Variants in TRPC4 observed in about 807,000 individuals in gnomAD.
The protein encoded by TRPC4 is short transient receptor potential channel 4.
TRPC4 carries 49 observed loss-of-function variants against 99.4 expected under a neutral mutation model. The observed-to-expected ratio is 0.49, with a 90% CI of 0.39 to 0.63. TRPC4 has a LOEUF of 0.63. Among genes scored for constraint, TRPC4 ranks in the 20% least tolerant of loss-of-function variants. The pLI is 0.00. For missense variants in TRPC4, 898 were observed against 1,152.9 expected (o/e 0.78, Z 3.20); for synonymous variants, 454 against 425.9 (o/e 1.07, Z -0.81).
intron 3 of TRPC4, among the ~76,000 whole-genome samples, chr13:37,732,540 G>A (rs185404989): frequency 6.6e-6 from 1 of 152,136 alleles, no homozygotes; most frequent in African/African-American, 2.4e-5. Context: ...CCTGTTCAAC[G>A]ACGACATGTC....
chr13:37,686,686 A>G (rs904360826), intron 4 of TRPC4, among the ~76,000 whole-genome samples: 1 of 152,204 alleles, frequency 6.6e-6, no homozygotes, highest in Non-Finnish European at 1.5e-5. Context: ...GGCAAGTTGC[A>G]TAATCTGGCT....
Position 37,633,374 on chromosome 13 carries a change from A to G in TRPC4, c.*3529T>C, listed in dbSNP as rs903644513. Among the ~76,000 whole-genome samples, 1 of 152,168 alleles carries G rather than the reference A, an allele frequency of 6.6e-6. No homozygotes were observed. The highest frequency in any genetic ancestry group is 1.5e-5 in the Non-Finnish European group (1 of 68,022). ...CATGGAAGGCAGCTGTATACACCAT[A>G]GAAGACAGCTAAAAATACAATGCAT... On this transcript the variant is annotated 3_prime_UTR_variant, in exon 11 of 11. Coordinates refer to ENST00000379705, the MANE Select transcript of TRPC4 (RefSeq NM_016179.4).
chr13:37,758,587 C>A (rs1043439075), intron 2 of TRPC4, among the ~76,000 whole-genome samples: 1 of 151,790 alleles, frequency 6.6e-6, no homozygotes, highest in South Asian at 2.1e-4. Context: ...AGAAACAAGA[C>A]AACCTGTTCC....
intron 3 of TRPC4, among the ~76,000 whole-genome samples, chr13:37,694,300 T>G (rs1413005): frequency 0.66 from 99,981 of 152,004 alleles, 33,743 homozygotes; most frequent in Non-Finnish European, 0.74. Flanking sequence ...TAGTCACACA[T>G]TGACAAAACA....
At chr13:37,641,467 C>T (rs1343107636) in intron 8 of TRPC4, among the ~76,000 whole-genome samples, 1 of 152,158 alleles carries the variant, frequency 6.6e-6, no homozygotes, top group African/African-American at 2.4e-5. Context: ...TGAACTTCAA[C>T]ATTCTAGCTA....
At chr13:37,720,085 G>A (rs1954818332) in intron 3 of TRPC4, among the ~76,000 whole-genome samples, 1 of 152,004 alleles carries the variant, frequency 6.6e-6, no homozygotes, top group South Asian at 2.1e-4. Flanking sequence ...GGAGGAAGAG[G>A]AAAAGATGGG....
At position 37,752,312 on chromosome 13, in the gene TRPC4, G is replaced by A. The variant is rs371887492; in HGVS notation, c.379-5857C>T. ...TCTTTTGGAAGCGTTAGAACATTCG[G>A]CTGCCATTCTTTTTCTACTTGGCAA... On this transcript the variant is annotated intron_variant, in intron 2 of 10. Transcript: ENST00000379705. Among the ~76,000 whole-genome samples, 23 of 151,688 alleles carry A rather than the reference G, an allele frequency of 1.5e-4. No homozygotes were observed. In the South Asian group the frequency reaches 2.1e-3, roughly 14 times the overall value.
intron 3 of TRPC4, among the ~76,000 whole-genome samples, chr13:37,719,893 T>C (rs921691271): frequency 2.6e-5 from 4 of 152,158 alleles, no homozygotes; most frequent in African/African-American, 9.7e-5. Context: ...TGTTTTAATG[T>C]TAAAACATTA....
At position 37,706,376 on chromosome 13, in the gene TRPC4, T is replaced by C. The variant is rs559976031; in HGVS notation, c.898-14041A>G. 5.3e-5 allele frequency among the ~76,000 whole-genome samples: 8 copies of C among 152,264 alleles called. No individual in the cohort carries two copies. In the South Asian group the frequency reaches 1.7e-3, roughly 32 times the overall value. On this transcript the variant is annotated intron_variant, in intron 3 of 10. Transcript: ENST00000379705. ...CTTCCTCTGCCTCTTCTTAACATAA[T>C]GTGAAATAGTCTAGGCAGCTTCCCA...
intron 3 of TRPC4, among the ~76,000 whole-genome samples, chr13:37,707,507 T>C (rs2138967051): frequency 6.6e-6 from 1 of 152,284 alleles, no homozygotes; most frequent in South Asian, 2.1e-4. Flanking sequence ...GAGTGTTTAG[T>C]AGTTAGTTAC....
At chr13:37,682,429 A>T (rs373787651) in intron 4 of TRPC4, among the ~76,000 whole-genome samples, 1 of 152,196 alleles carries the variant, frequency 6.6e-6, no homozygotes, top group East Asian at 1.9e-4. Flanking sequence ...ATTTAAAGGA[A>T]GTCTTTTATT....
chr13:37,663,440 T>G lies in TRPC4; in HGVS notation c.1664A>C (p.Glu555Ala). 4 of 1,613,600 alleles carry G rather than the reference T, an allele frequency of 2.5e-6. No individual in the cohort carries two copies. Among genetic ancestry groups the G allele is most frequent in the Non-Finnish European group, 3.4e-6 (4 of 1,179,766 alleles). ...CGTTGAAAATGCATTATTCTGCTTT[T>G]CACATCTTATGCCTTTGCAGGTTAA... is the stretch of plus-strand genomic sequence containing the variant. ...KGLTCKGIRC[E>A]KQNNAFSTLF... The change falls in exon 6 of 11, where the codon GAA becomes GCA. Residue 555 changes from glutamate to alanine, a missense_variant. Transcript: ENST00000379705.
At chr13:37,702,298 G>C in intron 3 of TRPC4, among the ~76,000 whole-genome samples, 1 of 152,142 alleles carries the variant, frequency 6.6e-6, no homozygotes. Flanking sequence ...TTCTGAGGCA[G>C]GCACTTGGGG....
At chr13:37,706,619 C>T (rs923050759) in intron 3 of TRPC4, among the ~76,000 whole-genome samples, 3 of 151,044 alleles carry the variant, frequency 2.0e-5, no homozygotes, top group African/African-American at 7.3e-5. Context: ...CTAATGCTAC[C>T]CCTCCCCCCT....
At chr13:37,830,469 G>C (rs1300354300) in intron 1 of TRPC4, among the ~76,000 whole-genome samples, 3 of 151,824 alleles carry the variant, frequency 2.0e-5, no homozygotes, top group Admixed American at 2.0e-4. Context: ...AGCATTTTGG[G>C]AGGCTGAGGC....
At position 37,636,802 on chromosome 13, in the gene TRPC4, AGT is replaced by A. The variant is rs1593401352; in HGVS notation, c.*99_*100del. 8 of 1,423,712 alleles carry A rather than the reference AGT, an allele frequency of 5.6e-6. No homozygotes were observed. Among genetic ancestry groups the A allele is most frequent in the Non-Finnish European group, 7.5e-6 (8 of 1,064,500 alleles). 88.2% of individuals were successfully genotyped at this position (1,423,712 alleles called of 1,614,324 possible). ...ATGCCACAGCTGATAAACGCTATAA[AGT>A]GTAAGTTAGCATTTGCTAATACAAT... is the stretch of plus-strand genomic sequence containing the variant. On this transcript the variant is annotated 3_prime_UTR_variant, in exon 11 of 11. Coordinates refer to ENST00000379705, the MANE Select transcript of TRPC4 (RefSeq NM_016179.4).
At chr13:37,741,269 A>C (rs916425409) in intron 3 of TRPC4, among the ~76,000 whole-genome samples, 5 of 152,224 alleles carry the variant, frequency 3.3e-5, no homozygotes, top group African/African-American at 1.2e-4. Flanking sequence ...TACAAATATT[A>C]GGCAAGAGGA....
chr13:37,640,403 G>A (rs947848956), intron 8 of TRPC4, among the ~76,000 whole-genome samples: 7 of 152,044 alleles, frequency 4.6e-5, no homozygotes, highest in Non-Finnish European at 7.4e-5. Flanking sequence ...AGAAATAGAA[G>A]AAAATGCTAT....
intron 4 of TRPC4, among the ~76,000 whole-genome samples, chr13:37,690,082 T>A (rs899562182): frequency 1.3e-5 from 2 of 152,198 alleles, no homozygotes; most frequent in Admixed American, 1.3e-4. Flanking sequence ...AGACATTCAA[T>A]ATAAGTTAGC....
Sources: allele counts gnomAD v4.1 joint callset (sites outside exome capture counted in the v4.1 genomes callset), GRCh38; gene constraint gnomAD v4.1.1; transcripts MANE v1.5; gene names NCBI Gene and HGNC (gene_info 2026-07-23, HGNC 2026-07-21).